ESRRG: variants seen among roughly 807,000 people sequenced by gnomAD.
The protein encoded by ESRRG is estrogen-related receptor gamma.
In ESRRG, 13 loss-of-function variants were observed where a neutral mutation model predicts 44.0. That is an observed-to-expected ratio of 0.30 (90% confidence interval 0.19 to 0.47). The LOEUF is 0.47. Among genes scored for constraint, ESRRG ranks in the 20% least tolerant of loss-of-function variants. The probability of loss-of-function intolerance (pLI) is 1.00; values close to 1 mark genes in which losing one functional copy is unlikely to be tolerated. For missense variants in ESRRG, 395 were observed against 580.6 expected, an observed-to-expected ratio of 0.68 and a Z score of 3.29; for synonymous variants, 215 against 214.6, an observed-to-expected ratio of 1.00 and a Z score of -0.02.
intron 2 of ESRRG, among the ~76,000 whole-genome samples, chr1:216,850,742 G>A (rs931332863): frequency 6.6e-6 from 1 of 151,792 alleles, no homozygotes; most frequent in African/African-American, 2.4e-5. Context: ...TAAATACCGT[G>A]CTGTTTTACA....
At chr1:217,021,797 A>C (rs1373674107) in intron 1 of ESRRG, among the ~76,000 whole-genome samples, 1 of 152,188 alleles carries the variant, frequency 6.6e-6, no homozygotes, top group Non-Finnish European at 1.5e-5. Flanking sequence ...TACACTTAGC[A>C]TCCTTTGTGC....
chr1:216,683,743 A>C (rs747591198), intron 1 of ESRRG, among the ~76,000 whole-genome samples: 2 of 152,178 alleles, frequency 1.3e-5, no homozygotes, highest in Admixed American at 6.6e-5. Flanking sequence ...TTTCATACCT[A>C]CTGACCAAAC....
intron 1 of ESRRG, among the ~76,000 whole-genome samples, chr1:216,959,367 C>T (rs1484784394): frequency 2.6e-5 from 4 of 152,020 alleles, no homozygotes; most frequent in African/African-American, 7.2e-5. Context: ...TAAAACTGTG[C>T]TCCCAAACAC....
chr1:216,831,514 G>C (rs2095487110), intron 2 of ESRRG, among the ~76,000 whole-genome samples: 1 of 149,038 alleles, frequency 6.7e-6, no homozygotes, highest in Non-Finnish European at 1.5e-5. Context: ...AAGAGAGAGA[G>C]AGAAAGAGGC....
intron 5 of ESRRG, among the ~76,000 whole-genome samples, chr1:216,535,580 A>G (rs1163023862): frequency 6.6e-6 from 1 of 152,130 alleles, no homozygotes; most frequent in Non-Finnish European, 1.5e-5. Context: ...TGTAAGTTAA[A>G]GAGACTGCTC....
intron 1 of ESRRG, among the ~76,000 whole-genome samples, chr1:217,055,657 G>A (rs1314608128): frequency 4.6e-5 from 7 of 152,042 alleles, no homozygotes; most frequent in Non-Finnish European, 1.0e-4. Context: ...GGCCACTTCT[G>A]GATTCCCTCC....
chr1:216,542,754 C>T (rs912100484), intron 5 of ESRRG, among the ~76,000 whole-genome samples: 1 of 151,964 alleles, frequency 6.6e-6, no homozygotes, highest in African/African-American at 2.4e-5. Context: ...TTTCTTCTCT[C>T]TACCTATTTA....
chr1:217,082,151 C>G (rs1482940089), intron 1 of ESRRG, among the ~76,000 whole-genome samples: 3 of 152,182 alleles, frequency 2.0e-5, no homozygotes, highest in Non-Finnish European at 4.4e-5. Flanking sequence ...CCTGCTTCCT[C>G]CCTGAAGTAA....
At chr1:216,733,683 T>C (rs2089302760) in intron 2 of ESRRG, among the ~76,000 whole-genome samples, 2 of 152,054 alleles carry the variant, frequency 1.3e-5, no homozygotes, top group South Asian at 4.2e-4. Flanking sequence ...AGCAACACAA[T>C]CCACAGGGTA....
Position 216,980,825 on chromosome 1 carries a change from C to G in ESRRG, c.-105-41152G>C, listed in dbSNP as rs536436047. 7.5e-4 allele frequency among the ~76,000 whole-genome samples: 114 copies of G among 152,304 alleles called. 2 individuals are homozygous for G. The highest frequency in any genetic ancestry group is 2.6e-3 in the African/African-American group (108 of 41,564). On this transcript the variant is annotated intron_variant, in intron 1 of 7. Coordinates refer to the ESRRG transcript ENST00000359162. ...CCTGGCTCCCTCGCTTGCCTCTACTCAGTCATCTTCCATTTTATACTTCAG... is the reference window on the plus strand; with the variant it reads ...CCTGGCTCCCTCGCTTGCCTCTACTGAGTCATCTTCCATTTTATACTTCAG...
At chr1:216,799,642 A>G (rs1251958198) in intron 2 of ESRRG, among the ~76,000 whole-genome samples, 1 of 152,182 alleles carries the variant, frequency 6.6e-6, no homozygotes, top group Admixed American at 6.6e-5. Flanking sequence ...GGAATATGCA[A>G]TGACAGAAAG....
At chr1:217,094,247 T>A (rs573832757), upstream of ESRRG, among the ~76,000 whole-genome samples, 1 of 152,340 alleles carries the variant, frequency 6.6e-6, no homozygotes, top group Non-Finnish European at 1.5e-5. Context: ...CAAAATGTTA[T>A]TAGTCATTAT....
chr1:216,922,488 A>G (rs1362253071), intron 2 of ESRRG, among the ~76,000 whole-genome samples: 1 of 152,208 alleles, frequency 6.6e-6, no homozygotes, highest in Non-Finnish European at 1.5e-5. Context: ...TCATCAGGGT[A>G]GAAAAATACA....
intron 3 of ESRRG, among the ~76,000 whole-genome samples, chr1:216,620,078 C>G (rs991879534): frequency 6.6e-6 from 1 of 152,090 alleles, no homozygotes; most frequent in South Asian, 2.1e-4. Flanking sequence ...AACTTAGGAG[C>G]CTTCCACACT....
chr1:216,910,893 C>T (rs1278145182), intron 2 of ESRRG, among the ~76,000 whole-genome samples: 2 of 152,160 alleles, frequency 1.3e-5, no homozygotes, highest in Non-Finnish European at 2.9e-5. Flanking sequence ...GGCATGTCTA[C>T]ATTAGAAAGC....
rs180681100 is a variant in ESRRG, at chr1:216,915,718, A to G, written c.-14+23864T>C. On this transcript the variant is annotated intron_variant, in intron 2 of 7. Transcript: ENST00000359162. ...CAGTCTCCCGAGGAAGACTGGAAAA[A>G]GAGCAGTGTTAACTGACATCCAGGT... 7.6e-4 allele frequency among the ~76,000 whole-genome samples: 116 copies of G among 152,330 alleles called. 4 individuals carry two copies. Among genetic ancestry groups the G allele is most frequent in the Admixed American group, 7.5e-3 (115 of 15,296 alleles).
chr1:216,524,215 T>TTA lies in ESRRG; in HGVS notation c.863-4796_863-4795dup, dbSNP rs1259473342. 1.2e-3 allele frequency among the ~76,000 whole-genome samples: 167 copies of TTA among 143,372 alleles called. 2 individuals carry two copies. The highest frequency in any genetic ancestry group is 0.012 in the East Asian group (57 of 4,910). The allele number at this position is 143,372 out of a possible 152,430, so 94.1% of individuals were successfully genotyped here. On this transcript the variant is annotated intron_variant, in intron 5 of 6. Coordinates refer to ENST00000408911, the MANE Select transcript of ESRRG (RefSeq NM_001438.4). ...ACAGCTCAGGGGCTTGTAGGAAACT[T>TTA]TATATATATATATACATATATATAT... is the stretch of plus-strand genomic sequence containing the variant.
chr1:216,516,666 C>CAGAGAG (rs777077033), intron 6 of ESRRG, among the ~76,000 whole-genome samples: 109 of 128,448 alleles, frequency 8.5e-4, no homozygotes, highest in African/African-American at 2.0e-3. Context: ...CACACACACA[C>CAGAGAG]ACAGAGAGAG....
At position 216,530,675 on chromosome 1, in the gene ESRRG, G is replaced by T. The variant is rs989201189; in HGVS notation, c.863-11254C>A. On this transcript the variant is annotated intron_variant, in intron 5 of 6. Coordinates refer to ENST00000408911, the MANE Select transcript of ESRRG (RefSeq NM_001438.4). ...GCTGCCACGTACAAAAGGGAGTTGT[G>T]ATTATCTTGTGTACTTTCACTGAAA... 3.9e-5 allele frequency among the ~76,000 whole-genome samples: 6 copies of T among 152,232 alleles called. No individual in the cohort carries two copies. The Middle Eastern group carries it at 0.01, about 259-fold the overall frequency.
Sources: gnomAD v4.1 joint callset for allele counts (sites outside exome capture counted in the v4.1 genomes callset) on GRCh38, gnomAD v4.1.1 for gene constraint, MANE v1.5 for transcripts, NCBI Gene and HGNC (gene_info 2026-07-23, HGNC 2026-07-21) for gene names.